The following RNF214 variants were observed in gnomAD, a reference collection of about 807,000 sequenced individuals.
RNF214 encodes ring finger protein 214.
In RNF214, 25 loss-of-function variants were observed where a neutral mutation model predicts 75.9. The observed-to-expected ratio is 0.33, with a 90% CI of 0.24 to 0.46. The LOEUF is 0.46. Among genes scored for constraint, RNF214 ranks in the 20% least tolerant of loss-of-function variants. The probability of loss-of-function intolerance (pLI) is 1.00; values close to 1 mark genes in which losing one functional copy is unlikely to be tolerated. For synonymous variants in RNF214, 314 were observed against 308.8 expected (o/e 1.02, Z -0.18); for missense variants, 725 against 857.5 (o/e 0.85, Z 1.93).
At chr11:117,236,560 C>G (rs2032917401) in intron 2 of RNF214, among the ~76,000 whole-genome samples, 1 of 152,186 alleles carries the variant, frequency 6.6e-6, no homozygotes, top group African/African-American at 2.4e-5. Flanking sequence ...GCATGAGCCA[C>G]CGCACCTGGC....
chr11:117,274,007 G>T (rs1269671257), intron 6 of RNF214, among the ~76,000 whole-genome samples: 1 of 152,112 alleles, frequency 6.6e-6, no homozygotes, highest in East Asian at 1.9e-4. Flanking sequence ...TCGTAGCAGG[G>T]TCTATGTGAT....
intron 14 of RNF214, among the ~76,000 whole-genome samples, chr11:117,284,349 T>G (rs1686610992): frequency 6.6e-6 from 1 of 152,210 alleles, no homozygotes; most frequent in South Asian, 2.1e-4. Flanking sequence ...GATGATTCCC[T>G]CTTAACAACA....
chr11:117,245,730 G>A lies in RNF214; in HGVS notation c.820-1079G>A, dbSNP rs1231152629. Among the ~76,000 whole-genome samples, 5 of 152,172 alleles carry A rather than the reference G, an allele frequency of 3.3e-5. No homozygotes were observed. In the East Asian group the frequency reaches 9.7e-4, roughly 29 times the overall value. On this transcript the variant is annotated intron_variant, in intron 5 of 14. Coordinates refer to ENST00000300650, the MANE Select transcript of RNF214 (RefSeq NM_207343.4). The stretch of plus-strand genomic sequence containing the variant: ...TTTTTGAATTAGATCGATACTTATT[G>A]ACAATACATTCATGTCAAGTAAAAG...
At chr11:117,262,572 G>A (rs1247671936) in intron 6 of RNF214, among the ~76,000 whole-genome samples, 2 of 151,850 alleles carry the variant, frequency 1.3e-5, no homozygotes, top group South Asian at 2.1e-4. Context: ...TGTAAATACA[G>A]GGTCTCGCTA....
In RNF214 at chr11:117,238,985, C is replaced by T. The variant is rs1336817705; in HGVS notation, c.492C>T (p.Asn164=). The T allele has an allele frequency of 1.2e-6, 2 of 1,614,036 alleles. No individual in the cohort carries two copies. The highest frequency in any genetic ancestry group is 1.7e-5 in the Admixed American group (1 of 59,990). The change falls in exon 3 of 15, where the codon AAC becomes AAT. Residue 164 remains asparagine, a synonymous_variant. Coordinates refer to ENST00000300650, the MANE Select transcript of RNF214 (RefSeq NM_207343.4). ...AAACCTCCATCCTAAAGGAAGGTAA[C>T]AGGGACACAAGCTTGGATTTCCGAC... The part of the protein sequence containing the change: ...SPQTSILKEG[N]RDTSLDFRPV...
At chr11:117,260,191 C>T (rs1043498402) in intron 6 of RNF214, among the ~76,000 whole-genome samples, 1 of 151,942 alleles carries the variant, frequency 6.6e-6, no homozygotes, top group Non-Finnish European at 1.5e-5. Context: ...TTCACAGGTG[C>T]AGTCATAGCT....
At chr11:117,246,973 C>G in intron 6 of RNF214, 25 bp downstream of exon 6, 1 of 1,584,150 alleles carries the variant, frequency 6.3e-7, no homozygotes. Flanking sequence ...GAATAAAAAC[C>G]CTGTGTGTAT....
intron 2 of RNF214, among the ~76,000 whole-genome samples, chr11:117,235,762 A>G (rs1178094731): frequency 1.3e-5 from 2 of 152,166 alleles, no homozygotes; most frequent in African/African-American, 4.8e-5. Flanking sequence ...ATTTTAAAAA[A>G]TGGACACGAT....
At chr11:117,281,221 G>A (rs1046823079) in intron 8 of RNF214, 93 bp from the exon 9 acceptor site, 9 of 820,778 alleles carry the variant, frequency 1.1e-5, no homozygotes, top group African/African-American at 6.8e-5. Context: ...TGATCTGCCC[G>A]CCTTGGCCTC....
chr11:117,237,636 G>A lies in RNF214; in HGVS notation c.108-965G>A, dbSNP rs541116986. Among the ~76,000 whole-genome samples, 6 of 151,950 alleles carry A rather than the reference G, an allele frequency of 3.9e-5. No homozygotes were observed. The East Asian group carries it at 9.6e-4, about 24-fold the overall frequency. ...AAAAGCAGTACCTCACTTCAGCCTG[G>A]GTGACAAAGTGAAACCCTGTCTCAA... is the stretch of plus-strand genomic sequence containing the variant. On this transcript the variant is annotated intron_variant, in intron 2 of 14. Coordinates refer to ENST00000300650, the MANE Select transcript of RNF214 (RefSeq NM_207343.4).
chr11:117,268,246 G>T (rs761079369), intron 6 of RNF214, among the ~76,000 whole-genome samples: 1 of 152,190 alleles, frequency 6.6e-6, no homozygotes, highest in Non-Finnish European at 1.5e-5. Context: ...CTGTAAATTG[G>T]AGCAAGGTGC....
At position 117,252,401 on chromosome 11, in the gene RNF214, G is replaced by T. The variant is rs181011704; in HGVS notation, c.959+5453G>T. Among the ~76,000 whole-genome samples, 11 of 152,306 alleles carry T rather than the reference G, an allele frequency of 7.2e-5. No homozygotes were observed. The East Asian group carries it at 1.7e-3, about 24-fold the overall frequency. Reference sequence around the variant, plus strand: ...GTTAGGGATAACTCCCATATTTCTGGCTTGGAAAATTAGGGAAATAATGGG... The same window carrying T: ...GTTAGGGATAACTCCCATATTTCTGTCTTGGAAAATTAGGGAAATAATGGG... On this transcript the variant is annotated intron_variant, in intron 6 of 14. Transcript: ENST00000300650.
At chr11:117,255,423 A>C (rs2033495624) in intron 6 of RNF214, among the ~76,000 whole-genome samples, 1 of 152,090 alleles carries the variant, frequency 6.6e-6, no homozygotes, top group African/African-American at 2.4e-5. Context: ...CCTTTCCATC[A>C]CATGCACTTT....
At chr11:117,252,358 G>A (rs751992958) in intron 6 of RNF214, among the ~76,000 whole-genome samples, 1 of 152,216 alleles carries the variant, frequency 6.6e-6, no homozygotes, top group Non-Finnish European at 1.5e-5. Flanking sequence ...ACTGATCAAT[G>A]TGGGTAGACA....
intron 6 of RNF214, among the ~76,000 whole-genome samples, chr11:117,259,817 A>G (rs1260173617): frequency 6.6e-6 from 1 of 152,028 alleles, no homozygotes; most frequent in African/African-American, 2.4e-5. Flanking sequence ...TGTATTTTGA[A>G]TATAAGTCCT....
At chr11:117,272,243 C>T (rs1211602003) in intron 6 of RNF214, among the ~76,000 whole-genome samples, 1 of 152,182 alleles carries the variant, frequency 6.6e-6, no homozygotes, top group Non-Finnish European at 1.5e-5. Context: ...CAACCACCAA[C>T]CACCACCTTG....
chr11:117,282,558 A>G (rs2034149918), intron 12 of RNF214, 22 bp downstream of exon 12: 1 of 1,612,412 alleles, frequency 6.2e-7, no homozygotes, highest in African/African-American at 1.3e-5. Context: ...CACTTGGGAG[A>G]GAACTTAGGC....
intron 14 of RNF214, among the ~76,000 whole-genome samples, chr11:117,283,567 G>A (rs967508442): frequency 6.6e-6 from 1 of 152,042 alleles, no homozygotes; most frequent in Non-Finnish European, 1.5e-5. Context: ...CACCATATTG[G>A]CCAGGCTGGT....
intron 6 of RNF214, among the ~76,000 whole-genome samples, chr11:117,247,862 AAAAAAAAAACAAAAC>A (rs2033268700): frequency 6.6e-6 from 1 of 151,778 alleles, no homozygotes; most frequent in Admixed American, 6.6e-5. Flanking sequence ...GTCTCAAAAA[AAAAAAAAAACAAAAC>A]AAAAAAAAAC....
Sources: gnomAD v4.1 joint callset for allele counts (sites outside exome capture counted in the v4.1 genomes callset) on GRCh38, gnomAD v4.1.1 for gene constraint, MANE v1.5 for transcripts, NCBI Gene and HGNC (gene_info 2026-07-23, HGNC 2026-07-21) for gene names.